Variants in GPC5 observed in about 807,000 individuals in gnomAD.
GPC5 encodes the protein glypican 5.
In GPC5, 47 loss-of-function variants were observed where a neutral mutation model predicts 53.9. The ratio of observed to expected loss-of-function variants is 0.87; its 90% CI spans 0.69 to 1.11. The LOEUF (loss-of-function observed/expected upper bound fraction) is 1.11, where lower values mean the gene tolerates loss of function less well. Ranked by LOEUF, GPC5 falls within the 50% of genes most tolerant of loss-of-function variation. The probability of loss-of-function intolerance (pLI) is 0.00; values close to 1 mark genes in which losing one functional copy is unlikely to be tolerated. For synonymous variants in GPC5, 286 were observed against 263.3 expected, an observed-to-expected ratio of 1.09 and a Z score of -0.84; for missense variants, 748 against 713.1, an observed-to-expected ratio of 1.05 and a Z score of -0.56.
intron 3 of GPC5, chr13:91,724,949 A>C (rs951733042): frequency 6.6e-6 from 1 of 152,236 alleles, no homozygotes; most frequent in African/African-American, 2.4e-5. Flanking sequence ...TTCTTTACAA[A>C]GTTTTTTTGT....
At chr13:92,258,996 T>C (rs987524228) in intron 7 of GPC5, among the ~76,000 whole-genome samples, 15 of 152,196 alleles carry the variant, frequency 9.9e-5, no homozygotes, top group Non-Finnish European at 1.8e-4. Flanking sequence ...TCTTGTGAGA[T>C]AGAATGAATT....
intron 7 of GPC5, among the ~76,000 whole-genome samples, chr13:92,863,929 G>C (rs9584072): frequency 0.1 from 15,750 of 152,176 alleles, 1,486 homozygotes; most frequent in African/African-American, 0.25. Context: ...TCACACCTTT[G>C]TGTGTTGCTG....
rs11839017 is a variant in GPC5 at position 91,543,013 on chromosome 13, C to T, written c.325+94091C>T. 4.9e-3 allele frequency among the ~76,000 whole-genome samples: 741 copies of T among 152,156 alleles called. 7 individuals carry two copies. The highest frequency in any genetic ancestry group is 0.017 in the African/African-American group (693 of 41,508). The stretch of plus-strand genomic sequence containing the variant: ...GTGGGACTACAGGCGCCCACCACCA[C>T]GCCTGGCTAATTTTTTGTATTTTTA... On this transcript the variant is annotated intron_variant, in intron 2 of 7. Transcript: ENST00000377067.
chr13:92,571,129 G>C (rs1428065412), intron 7 of GPC5, among the ~76,000 whole-genome samples: 1 of 152,118 alleles, frequency 6.6e-6, no homozygotes, highest in Non-Finnish European at 1.5e-5. Context: ...TAATTTGAGA[G>C]GGGGCTAGTT....
chr13:92,032,943 C>T (rs9560902), intron 6 of GPC5, among the ~76,000 whole-genome samples: 2 of 152,012 alleles, frequency 1.3e-5, no homozygotes, highest in Non-Finnish European at 2.9e-5. Context: ...TACTCCTTGC[C>T]TATGTTAACC....
At chr13:91,543,587 A>T (rs1466414966) in intron 2 of GPC5, among the ~76,000 whole-genome samples, 3 of 149,774 alleles carry the variant, frequency 2.0e-5, no homozygotes, top group Non-Finnish European at 4.4e-5. Context: ...AAATACCTAT[A>T]CTCTGTCTAC....
chr13:91,883,443 C>T (rs1305479215), intron 5 of GPC5, among the ~76,000 whole-genome samples: 1 of 152,202 alleles, frequency 6.6e-6, no homozygotes, highest in East Asian at 1.9e-4. Context: ...ATGCTTAAAA[C>T]TGTCACACAT....
intron 7 of GPC5, among the ~76,000 whole-genome samples, chr13:92,564,969 G>A (rs528030442): frequency 6.6e-6 from 1 of 152,006 alleles, no homozygotes; most frequent in Admixed American, 6.6e-5. Context: ...AGGCAGAACT[G>A]CATTAAACAC....
intron 7 of GPC5, among the ~76,000 whole-genome samples, chr13:92,164,494 A>G (rs550915364): frequency 3.3e-5 from 5 of 152,332 alleles, no homozygotes; most frequent in Non-Finnish European, 7.3e-5. Flanking sequence ...TCTCACATCC[A>G]GGTCACACTG....
At chr13:92,744,244 AT>A (rs1247152207) in intron 7 of GPC5, among the ~76,000 whole-genome samples, 1 of 151,818 alleles carries the variant, frequency 6.6e-6, no homozygotes, top group African/African-American at 2.4e-5. Context: ...AAAAAAAAAT[AT>A]GTACATAGAG....
intron 7 of GPC5, among the ~76,000 whole-genome samples, chr13:92,691,480 A>G (rs1487033209): frequency 7.3e-5 from 11 of 149,672 alleles, no homozygotes; most frequent in Admixed American, 3.3e-4. Flanking sequence ...CTCCCTAGTG[A>G]GATGAACCCG....
intron 7 of GPC5, among the ~76,000 whole-genome samples, chr13:92,349,095 A>G (rs1373111107): frequency 6.6e-6 from 1 of 152,292 alleles, no homozygotes; most frequent in African/African-American, 2.4e-5. Context: ...CTAGCAAAAC[A>G]ATACAAAAGA....
chr13:91,446,746 G>A (rs1429147437), intron 1 of GPC5, among the ~76,000 whole-genome samples: 2 of 152,226 alleles, frequency 1.3e-5, no homozygotes, highest in Non-Finnish European at 2.9e-5. Context: ...GATTGATATA[G>A]TAACTTAGGG....
intron 2 of GPC5, among the ~76,000 whole-genome samples, chr13:91,595,630 T>C (rs1250128799): frequency 1.1e-4 from 16 of 152,208 alleles, no homozygotes; most frequent in Non-Finnish European, 2.4e-4. Flanking sequence ...TCTCCTGTAC[T>C]ATCTGAACTT....
At chr13:91,792,062 C>T (rs572699589) in intron 5 of GPC5, among the ~76,000 whole-genome samples, 1 of 152,262 alleles carries the variant, frequency 6.6e-6, no homozygotes, top group African/African-American at 2.4e-5. Flanking sequence ...AGAGTTATTG[C>T]TTGGTTGGAT....
rs550446509 is a variant in GPC5 at position 92,257,203 on chromosome 13, A to C, written c.1561+112214A>C. Among the ~76,000 whole-genome samples, 3 of 152,284 alleles carry C rather than the reference A, an allele frequency of 2.0e-5. No homozygotes were observed. In the East Asian group the frequency reaches 5.8e-4, roughly 29 times the overall value. ...GTCAAATAACTATTTGAAGTAGAAAATATGATAGGCAATATCTGTTCATAG... is the reference window on the plus strand; with the variant it reads ...GTCAAATAACTATTTGAAGTAGAAACTATGATAGGCAATATCTGTTCATAG... On this transcript the variant is annotated intron_variant, in intron 7 of 7. Coordinates refer to ENST00000377067, the MANE Select transcript of GPC5 (RefSeq NM_004466.6).
intron 6 of GPC5, among the ~76,000 whole-genome samples, chr13:92,103,453 A>G (rs1289783699): frequency 1.3e-5 from 2 of 152,208 alleles, no homozygotes; most frequent in Non-Finnish European, 2.9e-5. Flanking sequence ...TTAAACAAAC[A>G]TACTTAAATT....
At chr13:91,993,227 T>G (rs921272537) in intron 6 of GPC5, among the ~76,000 whole-genome samples, 8 of 152,206 alleles carry the variant, frequency 5.3e-5, no homozygotes, top group Admixed American at 5.2e-4. Context: ...TGAATTATCT[T>G]CAACCTCCCT....
intron 7 of GPC5, chr13:92,659,237 C>A (rs1379326329): frequency 6.6e-6 from 1 of 152,114 alleles, no homozygotes; most frequent in Non-Finnish European, 1.5e-5. Flanking sequence ...CTTATGTTTT[C>A]TTTAGAGAAA....
Sources: gnomAD v4.1 joint callset for allele counts (sites outside exome capture counted in the v4.1 genomes callset) on GRCh38, gnomAD v4.1.1 for gene constraint, MANE v1.5 for transcripts, NCBI Gene and HGNC (gene_info 2026-07-23, HGNC 2026-07-21) for gene names.